The following KCNMA1 variants were observed in gnomAD, a reference collection of about 807,000 sequenced individuals.
KCNMA1 encodes the protein potassium calcium-activated channel subfamily M alpha 1, also known as Calcium-activated potassium channel subunit alpha-1.
KCNMA1 carries 29 observed loss-of-function variants against 140.0 expected under a neutral mutation model. That is an observed-to-expected ratio of 0.21 (90% confidence interval 0.15 to 0.28). The LOEUF (loss-of-function observed/expected upper bound fraction) is 0.28. Among genes scored for constraint, KCNMA1 ranks in the 10% least tolerant of loss-of-function variants. The probability of loss-of-function intolerance (pLI) is 1.00; values close to 1 mark genes in which losing one functional copy is unlikely to be tolerated. For synonymous variants in KCNMA1, 612 were observed against 611.9 expected, an observed-to-expected ratio of 1.00 and a Z score of 0.00; for missense variants, 880 against 1,602.2, an observed-to-expected ratio of 0.55 and a Z score of 7.70.
At chr10:77,252,817 A>C (rs2154254079) in intron 2 of KCNMA1, among the ~76,000 whole-genome samples, 1 of 152,246 alleles carries the variant, frequency 6.6e-6, no homozygotes, top group Non-Finnish European at 1.5e-5. Flanking sequence ...CAACTGATAA[A>C]ATCTCCATAT....
chr10:77,147,218 C>T (rs1813767), intron 5 of KCNMA1, among the ~76,000 whole-genome samples: 58,145 of 152,042 alleles, frequency 0.38, 12,456 homozygotes, highest in East Asian at 0.88. Context: ...TAACTTATTC[C>T]CAGAATTCTA....
intron 2 of KCNMA1, among the ~76,000 whole-genome samples, chr10:77,254,435 C>A (rs2060301961): frequency 6.6e-6 from 1 of 152,028 alleles, no homozygotes; most frequent in Non-Finnish European, 1.5e-5. Context: ...GTTGGCCAGG[C>A]TGGTCTCAAA....
chr10:77,602,436 G>T (rs1220171396), intron 1 of KCNMA1, among the ~76,000 whole-genome samples: 1 of 152,096 alleles, frequency 6.6e-6, no homozygotes, highest in Non-Finnish European at 1.5e-5. Context: ...CATGGGTATG[G>T]GGTTTGTTTC....
At chr10:77,311,027 A>C (rs1280197974) in intron 2 of KCNMA1, among the ~76,000 whole-genome samples, 1 of 152,146 alleles carries the variant, frequency 6.6e-6, no homozygotes, top group East Asian at 1.9e-4. Context: ...ATTTTTGGCC[A>C]CAGCTGCTGT....
intron 5 of KCNMA1, among the ~76,000 whole-genome samples, chr10:77,167,580 A>C (rs74573881): frequency 0.01 from 1,580 of 152,306 alleles, 25 homozygotes; most frequent in African/African-American, 0.035. Context: ...ATAATAATGA[A>C]ACCGGCAATA....
intron 1 of KCNMA1, among the ~76,000 whole-genome samples, chr10:77,559,750 T>C (rs2065744655): frequency 6.6e-6 from 1 of 152,204 alleles, no homozygotes; most frequent in African/African-American, 2.4e-5. Context: ...GTTGATCTAA[T>C]ATGCTAGACA....
intron 1 of KCNMA1, among the ~76,000 whole-genome samples, chr10:77,451,289 A>T (rs1453026193): frequency 6.6e-6 from 1 of 152,182 alleles, no homozygotes; most frequent in Non-Finnish European, 1.5e-5. Flanking sequence ...CATCCTGAGC[A>T]ATACACTAGA....
chr10:77,039,974 C>A (rs1451010558), intron 14 of KCNMA1, among the ~76,000 whole-genome samples: 2 of 139,490 alleles, frequency 1.4e-5, no homozygotes, highest in African/African-American at 5.4e-5. Flanking sequence ...CCTTGGACAC[C>A]TGCACTGAAG....
chr10:77,206,714 T>C (rs2044232380), intron 3 of KCNMA1, among the ~76,000 whole-genome samples: 2 of 144,252 alleles, frequency 1.4e-5, no homozygotes, highest in African/African-American at 5.1e-5. Flanking sequence ...CACCAAAACC[T>C]ACACAAGTGC....
intron 9 of KCNMA1, among the ~76,000 whole-genome samples, chr10:77,098,575 T>TAA (rs11443814): frequency 2.9e-4 from 42 of 143,894 alleles, no homozygotes; most frequent in Middle Eastern, 3.5e-3. Flanking sequence ...CCCTAACCTT[T>TAA]AAAAAAAAAA....
At chr10:77,538,641 C>T (rs2059465765) in intron 1 of KCNMA1, among the ~76,000 whole-genome samples, 2 of 152,280 alleles carry the variant, frequency 1.3e-5, no homozygotes, top group South Asian at 2.1e-4. Flanking sequence ...GAGTCCTCAA[C>T]AGCCCAGCTA....
At chr10:76,906,865 G>A (rs1325935059) in intron 25 of KCNMA1, among the ~76,000 whole-genome samples, 1 of 152,158 alleles carries the variant, frequency 6.6e-6, no homozygotes, top group African/African-American at 2.4e-5. Context: ...AACTAGATTT[G>A]TGGACTCAGA....
chr10:77,445,656 G>A (rs2097515036), intron 1 of KCNMA1, among the ~76,000 whole-genome samples: 1 of 152,112 alleles, frequency 6.6e-6, no homozygotes, highest in Non-Finnish European at 1.5e-5. Context: ...CCCAGCCCCA[G>A]GTACAAGCTA....
intron 2 of KCNMA1, among the ~76,000 whole-genome samples, chr10:77,328,391 G>C (rs1184086227): frequency 2.0e-5 from 3 of 152,156 alleles, no homozygotes; most frequent in Non-Finnish European, 2.9e-5. Flanking sequence ...CACAGGACCA[G>C]TTACCCATCC....
intron 25 of KCNMA1, among the ~76,000 whole-genome samples, chr10:76,906,591 C>T (rs986200862): frequency 6.6e-6 from 1 of 152,158 alleles, no homozygotes; most frequent in African/African-American, 2.4e-5. Context: ...GGGAGGAGCG[C>T]TAGAATAAGG....
chr10:77,424,506 G>GTTCATTCA lies in KCNMA1; in HGVS notation c.379-20491_379-20484dup, dbSNP rs3997977. Among the ~76,000 whole-genome samples the GTTCATTCA allele has an allele frequency of 9.5e-3, 1,424 of 150,334 alleles. 8 individuals are homozygous for GTTCATTCA. Among genetic ancestry groups the GTTCATTCA allele is most frequent in the Middle Eastern group, 0.034 (10 of 292 alleles). ...CCTGGGGCTAGGAATGAAGATCTGT[G>GTTCATTCA]TTCATTCATTCATTCATTCATTCAT... On this transcript the variant is annotated intron_variant, in intron 1 of 27. Transcript: ENST00000286628.
At chr10:76,914,331 G>T (rs1417153432) in intron 24 of KCNMA1, 2 of 575,814 alleles carry the variant, frequency 3.5e-6, no homozygotes, top group Non-Finnish European at 3.1e-6. Context: ...GGAGTGCCAT[G>T]GCCAGGTTAG....
chr10:77,270,615 G>A (rs2064803346), intron 2 of KCNMA1, among the ~76,000 whole-genome samples: 1 of 150,920 alleles, frequency 6.6e-6, no homozygotes, highest in Non-Finnish European at 1.5e-5. Context: ...TCTGCCTCCT[G>A]GGTTCCAGCG....
chr10:76,924,337 T>G (rs2057008347), intron 23 of KCNMA1, among the ~76,000 whole-genome samples: 1 of 152,178 alleles, frequency 6.6e-6, no homozygotes, highest in Admixed American at 6.5e-5. Flanking sequence ...TATGATCCAT[T>G]TTTTTGAGGG....
Sources: gnomAD v4.1 joint callset for allele counts (sites outside exome capture counted in the v4.1 genomes callset) on GRCh38, gnomAD v4.1.1 for gene constraint, MANE v1.5 for transcripts, NCBI Gene and HGNC (gene_info 2026-07-23, HGNC 2026-07-21) for gene names.